The following TSC22D3 variants were observed in gnomAD, a reference collection of about 807,000 sequenced individuals.
TSC22D3 encodes TSC22 domain family protein 3.
In TSC22D3, 4 loss-of-function variants were observed where a neutral mutation model predicts 11.1. The ratio of observed to expected loss-of-function variants is 0.36; its 90% CI spans 0.18 to 0.83. TSC22D3 has a LOEUF of 0.83. TSC22D3 is among the 40% of genes least tolerant of loss of function. The pLI is 0.48. For missense variants in TSC22D3, 118 were observed against 159.4 expected, an observed-to-expected ratio of 0.74 and a Z score of 1.40; for synonymous variants, 77 against 70.3, an observed-to-expected ratio of 1.10 and a Z score of -0.48.
rs376526519 is a variant in TSC22D3 at position 107,775,435 on chromosome X, G to A, written c.-16C>T. On this transcript the variant is annotated 5_prime_UTR_variant, in exon 1 of 3. Transcript: ENST00000372383. ...ACTGGGCCATCTTCTCAGGCTCGGA[G>A]GTCGCCTGGCCTGCGAGGTCAGGGG... The A allele has an allele frequency of 1.8e-4, 203 of 1,152,512 alleles. No individual in the cohort carries two copies. The highest frequency in any genetic ancestry group is 2.3e-4 in the Non-Finnish European group (197 of 864,377). 95.0% of individuals were successfully genotyped at this position (1,152,512 alleles called of 1,213,427 possible).
At chrX:107,723,673 G>A (rs1026269455) in intron 1 of TSC22D3, among the ~76,000 whole-genome samples, 3 of 112,841 alleles carry the variant, frequency 2.7e-5, no homozygotes, top group Admixed American at 9.3e-5. Flanking sequence ...CCAGGCCAGC[G>A]GGACACTGGC....
At chrX:107,716,725 A>G (rs1255331580) in intron 1 of TSC22D3, 1 of 1,204,497 alleles carries the variant, frequency 8.3e-7, no homozygotes, top group Non-Finnish European at 1.1e-6. Context: ...CATCCCCTCC[A>G]AGCAGAGAAG....
At chrX:107,735,580 C>T (rs915718045) in intron 1 of TSC22D3, among the ~76,000 whole-genome samples, 6 of 110,846 alleles carry the variant, frequency 5.4e-5, no homozygotes, top group Admixed American at 9.6e-5. Flanking sequence ...GTAAGACCTC[C>T]ATGCCAGGCG....
chrX:107,716,049 CTCT>C, intron 1 of TSC22D3, 99 bp from the exon 2 acceptor site: 6 of 919,722 alleles, frequency 6.5e-6, no homozygotes, highest in Admixed American at 2.5e-5. Context: ...TCGGCTCTTC[CTCT>C]CTCTCTCCTT....
intron 2 of TSC22D3, among the ~76,000 whole-genome samples, chrX:107,715,119 C>G (rs1001441963): frequency 8.9e-6 from 1 of 111,866 alleles, no homozygotes; most frequent in Non-Finnish European, 1.9e-5. Flanking sequence ...CTACTGCTGC[C>G]GATCCAGATC....
chrX:107,758,347 T>C (rs1929271195), intron 1 of TSC22D3, among the ~76,000 whole-genome samples: 1 of 111,818 alleles, frequency 8.9e-6, no homozygotes, highest in African/African-American at 3.3e-5. Context: ...CTCTGGTTAA[T>C]GGAACGTCAC....
chrX:107,758,820 A>G (rs776322555), intron 1 of TSC22D3, among the ~76,000 whole-genome samples: 7 of 111,990 alleles, frequency 6.3e-5, no homozygotes, highest in Non-Finnish European at 1.3e-4. Context: ...CTGCACATTA[A>G]TGACACCTCC....
intron 1 of TSC22D3, among the ~76,000 whole-genome samples, chrX:107,750,612 G>C (rs939144968): frequency 9.0e-6 from 1 of 111,237 alleles, no homozygotes; most frequent in African/African-American, 3.3e-5. Context: ...TGGGAGAGGG[G>C]GCGGCTGAGA....
chrX:107,742,289 G>A (rs113348399), intron 1 of TSC22D3, among the ~76,000 whole-genome samples: 7 of 55,926 alleles, frequency 1.3e-4, no homozygotes, highest in African/African-American at 2.2e-4. Flanking sequence ...GAAAGAGAGA[G>A]AGAGAGAGAG....
At chrX:107,723,399 G>A (rs755046856) in intron 1 of TSC22D3, among the ~76,000 whole-genome samples, 7 of 112,412 alleles carry the variant, frequency 6.2e-5, no homozygotes, top group African/African-American at 9.7e-5. Flanking sequence ...TCACCTCTCC[G>A]TGCCAACTTC....
intron 1 of TSC22D3, among the ~76,000 whole-genome samples, chrX:107,720,776 G>T (rs1423195525): frequency 9.3e-6 from 1 of 107,348 alleles, no homozygotes; most frequent in Non-Finnish European, 1.9e-5. Context: ...GGGTGGGGGT[G>T]GGGGAAGGAG....
intron 1 of TSC22D3, chrX:107,717,229 C>A: frequency 3.7e-6 from 1 of 269,276 alleles, no homozygotes; most frequent in Non-Finnish European, 5.1e-6. Context: ...TTTCTTGTAC[C>A]AACTGGCATC....
At chrX:107,735,014 C>T (rs1928066645) in intron 1 of TSC22D3, among the ~76,000 whole-genome samples, 1 of 110,548 alleles carries the variant, frequency 9.0e-6, no homozygotes. Context: ...AGGACCCACA[C>T]TCTTCCCCCT....
chrX:107,743,273 C>T (rs1050636728), intron 1 of TSC22D3, among the ~76,000 whole-genome samples: 1 of 112,049 alleles, frequency 8.9e-6, no homozygotes, highest in Non-Finnish European at 1.9e-5. Context: ...ACCCCCCATA[C>T]CCCCAACAAA....
intron 1 of TSC22D3, among the ~76,000 whole-genome samples, chrX:107,734,352 A>G (rs757972180): frequency 6.2e-5 from 7 of 112,663 alleles, no homozygotes; most frequent in African/African-American, 2.3e-4. Context: ...TGTCTCCCAA[A>G]TTGTGGGGGC....
intron 1 of TSC22D3, among the ~76,000 whole-genome samples, chrX:107,741,512 G>A (rs996271943): frequency 1.8e-5 from 2 of 112,886 alleles, no homozygotes; most frequent in Non-Finnish European, 3.8e-5. Context: ...GAGGTTGCTG[G>A]AAAACACCCT....
chrX:107,729,282 C>G (rs999403492), intron 1 of TSC22D3, among the ~76,000 whole-genome samples: 7 of 111,374 alleles, frequency 6.3e-5, no homozygotes, highest in Non-Finnish European at 1.3e-4. Flanking sequence ...GAAATTAACC[C>G]CCAGAAGAGT....
At chrX:107,774,898 C>T in intron 1 of TSC22D3, 1 of 457,886 alleles carries the variant, frequency 2.2e-6, no homozygotes, top group South Asian at 3.7e-5. Context: ...AGGCAGCTTT[C>T]AGAATAGGGC....
At chrX:107,755,047 T>C (rs992473510) in intron 1 of TSC22D3, among the ~76,000 whole-genome samples, 20 of 112,146 alleles carry the variant, frequency 1.8e-4, no homozygotes, top group Non-Finnish European at 3.6e-4. Context: ...CAATCTCAGC[T>C]GTTACAGAGG....
Sources: gnomAD v4.1 joint callset for allele counts (sites outside exome capture counted in the v4.1 genomes callset) on GRCh38, gnomAD v4.1.1 for gene constraint, MANE v1.5 for transcripts, NCBI Gene and HGNC (gene_info 2026-07-23, HGNC 2026-07-21) for gene names.